The following EIF3H variants were observed in gnomAD, a reference collection of about 807,000 sequenced individuals.
EIF3H encodes eIF-3-gamma.
Under a neutral mutation model 44.2 loss-of-function variants are expected in EIF3H, and 26 were observed. The ratio of observed to expected loss-of-function variants is 0.59; its 90% CI spans 0.43 to 0.82. EIF3H has a LOEUF of 0.82. Ranked by LOEUF, EIF3H falls within the 40% of genes least tolerant of loss-of-function variation. EIF3H has a pLI of 0.00. For missense variants in EIF3H, 359 were observed against 432.8 expected, an observed-to-expected ratio of 0.83 and a Z score of 1.51; for synonymous variants, 166 against 151.9, an observed-to-expected ratio of 1.09 and a Z score of -0.68.
chr8:116,741,006 C>G (rs766443937), intron 1 of EIF3H, among the ~76,000 whole-genome samples: 5 of 152,300 alleles, frequency 3.3e-5, no homozygotes, highest in Non-Finnish European at 7.3e-5. Context: ...ATGTTAGCTA[C>G]TATTATAACA....
At chr8:116,646,645 C>T (rs1468320091) in intron 6 of EIF3H, 42 bp from the exon 7 acceptor site, 1 of 1,603,524 alleles carries the variant, frequency 6.2e-7, no homozygotes, top group Non-Finnish European at 8.5e-7. Flanking sequence ...TTTTCTCCAT[C>T]TGAGGAGGAA....
chr8:116,662,489 ACTGTTT>A (rs1356963771), intron 2 of EIF3H, among the ~76,000 whole-genome samples: 3 of 152,240 alleles, frequency 2.0e-5, no homozygotes. Flanking sequence ...AATAAGTAAT[ACTGTTT>A]CTGTTTATTA....
intron 2 of EIF3H, among the ~76,000 whole-genome samples, chr8:116,722,379 C>CTT (rs762234572): frequency 9.3e-4 from 142 of 152,136 alleles, no homozygotes; most frequent in Non-Finnish European, 1.7e-3. Flanking sequence ...TGGGGTATGT[C>CTT]TTTATCAGCA....
At chr8:116,750,941 G>A (rs183329946) in intron 1 of EIF3H, among the ~76,000 whole-genome samples, 5 of 151,906 alleles carry the variant, frequency 3.3e-5, no homozygotes, top group East Asian at 3.9e-4. Flanking sequence ...GGCCGGGCAC[G>A]GTGGCTCACG....
chr8:116,671,605 G>A (rs867453555), intron 2 of EIF3H, among the ~76,000 whole-genome samples: 1 of 152,142 alleles, frequency 6.6e-6, no homozygotes, highest in Middle Eastern at 3.2e-3. Context: ...AGACCTTCTA[G>A]GCGCTGTCCA....
At chr8:116,726,671 C>T (rs1243327054) in intron 1 of EIF3H, among the ~76,000 whole-genome samples, 1 of 152,286 alleles carries the variant, frequency 6.6e-6, no homozygotes, top group East Asian at 1.9e-4. Context: ...GATGCAACAA[C>T]GGGAACACGT....
intron 2 of EIF3H, among the ~76,000 whole-genome samples, chr8:116,693,351 C>A (rs1384576023): frequency 6.6e-6 from 1 of 152,142 alleles, no homozygotes; most frequent in African/African-American, 2.4e-5. Context: ...GAGTGCTACT[C>A]TTCAGGGCCA....
At position 116,648,830 on chromosome 8, in the gene EIF3H, A is replaced by G; in HGVS notation, c.804T>C (p.Ser268=). ...CCTGATGTTTCTGCTGCTGTTGTTT[A>G]CTAGTATTCCTCATGTATGTGTTGT... ...VKYNTYMRNT[S]KQQQQKHQYQ... is the part of the protein sequence containing the mutation. Residue 268 remains serine (S), a synonymous_variant, in exon 6 of 8, where the codon AGT becomes AGC. Transcript: ENST00000521861. 1 of 1,607,182 alleles carries G rather than the reference A, an allele frequency of 6.2e-7. No homozygotes were observed.
At chr8:116,646,957 T>C (rs1052086439) in intron 6 of EIF3H, among the ~76,000 whole-genome samples, 1 of 152,148 alleles carries the variant, frequency 6.6e-6, no homozygotes, top group Non-Finnish European at 1.5e-5. Context: ...AAATGATTCA[T>C]CCTAATTTTA....
chr8:116,667,824 A>G (rs1813693762), intron 2 of EIF3H, among the ~76,000 whole-genome samples: 1 of 152,232 alleles, frequency 6.6e-6, no homozygotes, highest in South Asian at 2.1e-4. Context: ...AAGGTTGCCC[A>G]ATGAACTGGT....
chr8:116,686,668 G>A (rs1189045145), intron 2 of EIF3H, among the ~76,000 whole-genome samples: 1 of 151,880 alleles, frequency 6.6e-6, no homozygotes, highest in African/African-American at 2.4e-5. Flanking sequence ...TGATCAACAG[G>A]TTGTAGGGTA....
chr8:116,695,397 G>A (rs1415338720), intron 2 of EIF3H, among the ~76,000 whole-genome samples: 3 of 152,058 alleles, frequency 2.0e-5, no homozygotes, highest in Non-Finnish European at 4.4e-5. Flanking sequence ...TGCATAACTT[G>A]GCACACAGGT....
chr8:116,693,772 T>C (rs1447433466), intron 2 of EIF3H, among the ~76,000 whole-genome samples: 1 of 152,064 alleles, frequency 6.6e-6, no homozygotes, highest in Admixed American at 6.5e-5. Flanking sequence ...AGCTCTGAAT[T>C]CCTTAAGGGA....
At chr8:116,745,135 T>A (rs1225536147) in intron 1 of EIF3H, among the ~76,000 whole-genome samples, 1 of 152,262 alleles carries the variant, frequency 6.6e-6, no homozygotes, top group East Asian at 1.9e-4. Context: ...TAATGTTAAA[T>A]AGATATGTGA....
chr8:116,683,230 C>G (rs1305379730), intron 2 of EIF3H, among the ~76,000 whole-genome samples: 2 of 152,198 alleles, frequency 1.3e-5, no homozygotes, highest in African/African-American at 4.8e-5. Flanking sequence ...TCTGCTCTGG[C>G]TGCCATTACA....
At chr8:116,653,371 A>ACACACACACACAC (rs59686939) in intron 5 of EIF3H, among the ~76,000 whole-genome samples, 1 of 151,716 alleles carries the variant, frequency 6.6e-6, no homozygotes, top group East Asian at 1.9e-4. Flanking sequence ...ACACACACAC[A>ACACACACACACAC]ATCTGTGTAC....
intron 2 of EIF3H, among the ~76,000 whole-genome samples, chr8:116,659,555 C>T (rs1435735287): frequency 6.6e-6 from 1 of 152,034 alleles, no homozygotes; most frequent in Non-Finnish European, 1.5e-5. Flanking sequence ...GCTGCATATG[C>T]TAAATTTTTT....
intron 1 of EIF3H, among the ~76,000 whole-genome samples, chr8:116,749,975 C>T (rs1244647814): frequency 6.6e-6 from 1 of 152,292 alleles, no homozygotes; most frequent in Non-Finnish European, 1.5e-5. Flanking sequence ...CAGGAAGGAA[C>T]AAATGTGTTA....
intron 5 of EIF3H, among the ~76,000 whole-genome samples, chr8:116,651,369 TAC>T (rs1813390763): frequency 1.3e-5 from 2 of 152,160 alleles, no homozygotes; most frequent in Non-Finnish European, 2.9e-5. Flanking sequence ...TTACTACATT[TAC>T]AGAGAAGGGA....
Sources: allele counts gnomAD v4.1 joint callset (sites outside exome capture counted in the v4.1 genomes callset), GRCh38; gene constraint gnomAD v4.1.1; transcripts MANE v1.5; gene names NCBI Gene and HGNC (gene_info 2026-07-23, HGNC 2026-07-21).